The following RAI1 variants were observed in gnomAD, a reference collection of about 807,000 sequenced individuals.
RAI1 encodes retinoic acid-induced protein 1.
A neutral mutation model predicts 123.8 loss-of-function variants in RAI1; 9 were observed. The ratio of observed to expected loss-of-function variants is 0.07; its 90% CI spans 0.04 to 0.13. RAI1 has a LOEUF of 0.13. Ranked by LOEUF, RAI1 falls within the 10% of genes least tolerant of loss-of-function variation. The pLI, the probability that RAI1 is intolerant of heterozygous loss-of-function variation, is 1.00. For missense variants in RAI1, 2,256 were observed against 2,545.8 expected, an observed-to-expected ratio of 0.89 and a Z score of 2.45; for synonymous variants, 1,231 against 1,127.3, an observed-to-expected ratio of 1.09 and a Z score of -1.84.
At chr17:17,792,099 A>G (rs1188378173) in intron 2 of RAI1, among the ~76,000 whole-genome samples, 12 of 152,040 alleles carry the variant, frequency 7.9e-5, no homozygotes, top group Non-Finnish European at 1.5e-5. Flanking sequence ...CTCTACTCCC[A>G]TTAGTATGCA....
At chr17:17,805,935 C>T (rs2032586025) in intron 4 of RAI1, among the ~76,000 whole-genome samples, 1 of 152,224 alleles carries the variant, frequency 6.6e-6, no homozygotes, top group South Asian at 2.1e-4. Context: ...GCCATCTTCA[C>T]AGATTGGCTG....
chr17:17,695,812 A>G (rs144613948), intron 1 of RAI1, among the ~76,000 whole-genome samples: 2,279 of 152,122 alleles, frequency 0.015, 59 homozygotes, highest in African/African-American at 0.052. Context: ...GTGAGCCACT[A>G]TGCCCGGCCT....
intron 1 of RAI1, among the ~76,000 whole-genome samples, chr17:17,682,337 C>T (rs1461900426): frequency 6.6e-6 from 1 of 150,678 alleles, no homozygotes; most frequent in Non-Finnish European, 1.5e-5. Context: ...TCTGCGGTGT[C>T]CCTACCCGGG....
intron 2 of RAI1, among the ~76,000 whole-genome samples, chr17:17,788,310 C>T (rs1390635593): frequency 6.6e-6 from 1 of 152,198 alleles, no homozygotes; most frequent in Non-Finnish European, 1.5e-5. Context: ...GGGCACCCAA[C>T]CTCTTGTCTT....
intron 2 of RAI1, among the ~76,000 whole-genome samples, chr17:17,780,697 G>A (rs990234896): frequency 6.6e-6 from 1 of 152,194 alleles, no homozygotes; most frequent in Non-Finnish European, 1.5e-5. Context: ...GGGGTCAGAC[G>A]GCATCAGCCT....
rs371083418 is a variant in RAI1, at chr17:17,798,505, G to A, written c.5557G>A (p.Val1853Met). 158 of 1,600,528 alleles carry A rather than the reference G, an allele frequency of 9.9e-5. No individual in the cohort carries two copies. Among genetic ancestry groups the A allele is most frequent in the Admixed American group, 5.5e-4 (33 of 59,998 alleles). ...GCTGCAGGAGGCCATGAAGGTGGCC[G>A]TGGACATGGTAAGAGGCCAGCCCAG... ...FGLQEAMKVA[V>M]DMMCSSCQEA... Residue 1853 changes from valine (V) to methionine (M), a missense_variant, in exon 3 of 6, where the codon GTG becomes ATG. Coordinates refer to ENST00000353383, the MANE Select transcript of RAI1 (RefSeq NM_030665.4).
chr17:17,793,614 C>T lies in RAI1; in HGVS notation c.666C>T (p.Tyr222=), dbSNP rs532780553. The stretch of plus-strand genomic sequence containing the variant: ...AGTCCTTCCCCACCTCCTCCACCTA[C>T]TCCTCCTCTGTCCAGGGTGGTGGGC... ...HSQSFPTSST[Y]SSSVQGGGQG... Residue 222 remains tyrosine (Y), a synonymous_variant, in exon 3 of 6, where the codon TAC becomes TAT. Transcript: ENST00000353383. 6 of 1,613,514 alleles carry T rather than the reference C, an allele frequency of 3.7e-6. No individual in the cohort carries two copies. The African/African-American group carries it at 6.7e-5, about 18-fold the overall frequency.
chr17:17,809,536 C>A lies in RAI1; in HGVS notation c.5709+97C>A. 1 of 1,322,970 alleles carries A rather than the reference C, an allele frequency of 7.6e-7. No individual in the cohort carries two copies. The highest frequency in any genetic ancestry group is 1.1e-6 in the Non-Finnish European group (1 of 925,026). 82.0% of individuals were successfully genotyped at this position (1,322,970 alleles called of 1,614,324 possible). A position where few individuals can be genotyped will look rare whatever the true frequency, so the allele number is the denominator to read the frequency against. ...ACAGTCCCCTGGGCCCCCTTGGCTG[C>A]GCAGCCCCGCAGGGCCCAGCCCTAG... On this transcript the variant is annotated intron_variant, in intron 5 of 5. Transcript: ENST00000353383. This position sits in a 1 kb window ranked among gnomAD's most constrained non-coding sequence, Gnocchi z 4.9.
chr17:17,733,057 C>T (rs1228179232), intron 2 of RAI1, among the ~76,000 whole-genome samples: 1 of 152,224 alleles, frequency 6.6e-6, no homozygotes, highest in East Asian at 1.9e-4. Flanking sequence ...GCACTATCGG[C>T]AGAGCTACCA....
chr17:17,807,656 G>A (rs2032620750), intron 4 of RAI1, among the ~76,000 whole-genome samples: 1 of 152,228 alleles, frequency 6.6e-6, no homozygotes, highest in African/African-American at 2.4e-5. Flanking sequence ...TGCCCCATGT[G>A]GGGTGGTGCT....
intron 2 of RAI1, among the ~76,000 whole-genome samples, chr17:17,785,031 A>G (rs1413322917): frequency 2.0e-5 from 3 of 152,096 alleles, no homozygotes; most frequent in Non-Finnish European, 2.9e-5. Flanking sequence ...GGGTGTCACT[A>G]CATCTCAACA....
intron 1 of RAI1, among the ~76,000 whole-genome samples, chr17:17,703,866 C>T (rs146287545): frequency 2.1e-3 from 320 of 152,356 alleles, no homozygotes; most frequent in African/African-American, 7.1e-3. Context: ...CTGCCCAGAA[C>T]CTTCGTCTGG....
At chr17:17,805,274 G>A (rs1486456658) in intron 4 of RAI1, among the ~76,000 whole-genome samples, 1 of 152,142 alleles carries the variant, frequency 6.6e-6, no homozygotes, top group African/African-American at 2.4e-5. Context: ...GAGCTGCTGG[G>A]AGGAGAGTGA....
At chr17:17,687,768 G>C (rs1273041739) in intron 1 of RAI1, among the ~76,000 whole-genome samples, 1 of 152,082 alleles carries the variant, frequency 6.6e-6, no homozygotes, top group Non-Finnish European at 1.5e-5. Context: ...CGTGGCTCAC[G>C]CTTGTAATCC....
chr17:17,701,753 G>A (rs1250740910), intron 1 of RAI1, among the ~76,000 whole-genome samples: 2 of 152,130 alleles, frequency 1.3e-5, no homozygotes, highest in African/African-American at 4.8e-5. Flanking sequence ...GCACCACCAT[G>A]CCTGGTTGCC....
At chr17:17,706,752 C>T (rs922861810) in intron 1 of RAI1, among the ~76,000 whole-genome samples, 1 of 152,144 alleles carries the variant, frequency 6.6e-6, no homozygotes, top group African/African-American at 2.4e-5. Context: ...AGGGTGGGGC[C>T]TGCCCTGGGA....
At chr17:17,694,071 C>T (rs2142871189) in intron 1 of RAI1, among the ~76,000 whole-genome samples, 1 of 152,346 alleles carries the variant, frequency 6.6e-6, no homozygotes, top group Admixed American at 6.5e-5. Context: ...ACCCTTGTCC[C>T]GTCATTGCTG....
intron 1 of RAI1, among the ~76,000 whole-genome samples, chr17:17,708,532 C>T (rs1915465169): frequency 6.6e-6 from 1 of 152,146 alleles, no homozygotes; most frequent in Admixed American, 6.5e-5. Flanking sequence ...CCTTAGCTTC[C>T]TGAGTAGCTG....
chr17:17,797,479 C>G lies in RAI1; in HGVS notation c.4531C>G (p.Pro1511Ala). ...MEELGLASQPPEGRPCQPQTR... is the reference protein window; with the variant it reads ...MEELGLASQPAEGRPCQPQTR... Reference sequence around the variant, plus strand: ...GGAGCTGGGCCTGGCCTCCCAGCCCCCGGAGGGCAGGCCCTGCCAGCCCCA... The same window carrying G: ...GGAGCTGGGCCTGGCCTCCCAGCCCGCGGAGGGCAGGCCCTGCCAGCCCCA... The change falls in exon 3 of 6, where the codon CCG (proline) becomes GCG (alanine). Residue 1511 changes from proline (P) to alanine (A), a missense_variant. Coordinates refer to ENST00000353383, the MANE Select transcript of RAI1 (RefSeq NM_030665.4). 1 of 1,613,340 alleles carries G rather than the reference C, an allele frequency of 6.2e-7. No homozygotes were observed. Among genetic ancestry groups the G allele is most frequent in the Non-Finnish European group, 8.5e-7 (1 of 1,179,796 alleles).
Sources: allele counts gnomAD v4.1 joint callset (sites outside exome capture counted in the v4.1 genomes callset), GRCh38; gene constraint gnomAD v4.1.1; non-coding constraint Gnocchi (gnomAD v3.1); transcripts MANE v1.5; gene names NCBI Gene and HGNC (gene_info 2026-07-23, HGNC 2026-07-21).